Variants in MTR observed in about 807,000 individuals in gnomAD.
The protein encoded by MTR is methionine synthase.
A neutral mutation model predicts 154.8 loss-of-function variants in MTR; 84 were observed. The observed-to-expected ratio is 0.54, with a 90% CI of 0.45 to 0.65. MTR has a LOEUF of 0.65. Among genes scored for constraint, MTR ranks in the 30% least tolerant of loss-of-function variants. The pLI, the probability that MTR is intolerant of heterozygous loss-of-function variation, is 0.00. For synonymous variants in MTR, 554 were observed against 553.9 expected (o/e 1.00, Z 0.00); for missense variants, 1,275 against 1,570.2 (o/e 0.81, Z 3.18).
chr1:236,832,631 C>T (rs1186953345), intron 13 of MTR, among the ~76,000 whole-genome samples: 1 of 152,184 alleles, frequency 6.6e-6, no homozygotes, highest in Non-Finnish European at 1.5e-5. Context: ...ACAGAGCATA[C>T]CTAAGACTCC....
rs772925364 is a variant in MTR, at chr1:236,894,396, C to T, written c.3244C>T (p.Leu1082Phe). ...DSASTEPYYC[L>F]SDFIAPLHSG... ...TGCCAGCACGGAGCCATACTACTGC[C>T]TCTCAGACTTCATCGCTCCCTTGCA... The change falls in exon 30 of 33, where the codon CTC becomes TTC. Residue 1082 changes from leucine to phenylalanine, a missense_variant. Transcript: ENST00000366577. The T allele has an allele frequency of 6.2e-7, 1 of 1,614,248 alleles. No individual in the cohort carries two copies. The highest frequency in any genetic ancestry group is 1.1e-5 in the South Asian group (1 of 91,088).
intron 25 of MTR, among the ~76,000 whole-genome samples, chr1:236,883,804 CAT>C (rs1330338242): frequency 6.6e-6 from 1 of 152,178 alleles, no homozygotes; most frequent in Non-Finnish European, 1.5e-5. Flanking sequence ...AGAAAACCCA[CAT>C]AGAGTTATAG....
At chr1:236,871,528 C>G (rs998501690) in intron 22 of MTR, among the ~76,000 whole-genome samples, 2 of 150,600 alleles carry the variant, frequency 1.3e-5, no homozygotes, top group Non-Finnish European at 3.0e-5. Context: ...AAAAAAAAAT[C>G]AGCTTTGAAA....
chr1:236,813,077 A>G (rs1661393443), intron 6 of MTR, among the ~76,000 whole-genome samples: 1 of 152,252 alleles, frequency 6.6e-6, no homozygotes, highest in Non-Finnish European at 1.5e-5. Context: ...ATATTTTCAT[A>G]TATAGCTAGT....
chr1:236,795,512 A>G lies in MTR; in HGVS notation c.-192A>G, dbSNP rs1419439176. The G allele has an allele frequency of 6.6e-7, 1 of 1,524,668 alleles. No individual in the cohort carries two copies. The highest frequency in any genetic ancestry group is 2.0e-5 in the Admixed American group (1 of 50,606). The allele number at this position is 1,524,668 out of a possible 1,614,324, so 94.4% of individuals were successfully genotyped here. A position where few individuals can be genotyped will look rare whatever the true frequency, so the allele number is the denominator to read the frequency against. ...CAGTTGCCGCGCCCAGCCCCGAGAG[A>G]GGCCCTAGGGCGCTGCGGGCTTTCG... On this transcript the variant is annotated 5_prime_UTR_variant, in exon 1 of 33. Coordinates refer to ENST00000366577, the MANE Select transcript of MTR (RefSeq NM_000254.3).
rs1662319802 is a variant in MTR, at chr1:236,826,902, A to T, written c.995+6A>T. On this transcript the variant is annotated splice_donor_region_variant and intron_variant, in intron 11 of 32. Transcript: ENST00000366577. ...TCAACACCAGATCATATCAGGTAAT[A>T]ATCACCTATAGACAATATATCTAAA... The T allele has an allele frequency of 6.2e-7, 1 of 1,611,028 alleles. No homozygotes were observed.
intron 18 of MTR, among the ~76,000 whole-genome samples, chr1:236,855,476 G>C (rs948998943): frequency 6.6e-6 from 1 of 152,168 alleles, no homozygotes; most frequent in African/African-American, 2.4e-5. Context: ...CTATGGAGTG[G>C]AAGGATTGGT....
rs145289930 is a variant in MTR at position 236,818,806 on chromosome 1, A to G, written c.764+2263A>G. On this transcript the variant is annotated intron_variant, in intron 8 of 32. Coordinates refer to ENST00000366577, the MANE Select transcript of MTR (RefSeq NM_000254.3). The stretch of plus-strand genomic sequence containing the variant: ...CAAATATTTATTGAAATACTACTAT[A>G]TGTCCTGGAATACAGTCCAATCTGG... Among the ~76,000 whole-genome samples the G allele has an allele frequency of 8.3e-4, 127 of 152,364 alleles. 3 individuals are homozygous for G. In the East Asian group the frequency reaches 0.019, roughly 23 times the overall value.
chr1:236,836,326 A>G (rs185509549), intron 14 of MTR, among the ~76,000 whole-genome samples: 30 of 151,900 alleles, frequency 2.0e-4, no homozygotes, highest in African/African-American at 3.6e-4. Flanking sequence ...CAGTGGTGCA[A>G]TCATAGCTCA....
chr1:236,896,984 T>G, intron 31 of MTR, 22 bp from the exon 32 acceptor site: 1 of 1,567,254 alleles, frequency 6.4e-7, no homozygotes, highest in Non-Finnish European at 8.8e-7. Flanking sequence ...CATAAGCATT[T>G]TCCCTGTGTT....
At chr1:236,895,090 A>C in intron 30 of MTR, 1 of 488,958 alleles carries the variant, frequency 2.0e-6, no homozygotes, top group Non-Finnish European at 3.7e-6. Flanking sequence ...CCTTTAGGGA[A>C]ATCGTTAATT....
At chr1:236,827,228 A>G (rs1304201404) in intron 11 of MTR, among the ~76,000 whole-genome samples, 1 of 152,190 alleles carries the variant, frequency 6.6e-6, no homozygotes, top group Non-Finnish European at 1.5e-5. Context: ...CTTAAAAGAA[A>G]CTAACCCTGC....
At chr1:236,817,409 G>A (rs186917427) in intron 8 of MTR, among the ~76,000 whole-genome samples, 9 of 152,056 alleles carry the variant, frequency 5.9e-5, no homozygotes, top group South Asian at 2.1e-4. Flanking sequence ...TCTCACTAGC[G>A]CAGGTCGATG....
intron 4 of MTR, 53 bp downstream of exon 4, chr1:236,808,826 G>A: frequency 6.6e-7 from 1 of 1,512,250 alleles, no homozygotes; most frequent in South Asian, 1.1e-5. Context: ...GATACTGTCA[G>A]CTATAATGTG....
chr1:236,885,303 G>GT, intron 26 of MTR, 84 bp downstream of exon 26: 1 of 875,932 alleles, frequency 1.1e-6, no homozygotes, highest in Non-Finnish European at 1.9e-6. Context: ...TTTTAAAATG[G>GT]TTTTGAGGAG....
At position 236,874,786 on chromosome 1, in the gene MTR, A is replaced by G. The variant is rs1348066051; in HGVS notation, c.2534A>G (p.Lys845Arg). The change falls in exon 24 of 33, where the codon AAG (lysine) becomes AGG (arginine). Residue 845 changes from lysine (K) to arginine (R), a missense_variant. Lys to Arg is a conservative substitution (Grantham distance 26). Coordinates refer to ENST00000366577, the MANE Select transcript of MTR (RefSeq NM_000254.3). The part of the protein sequence containing the change: ...PSLDEMIFVA[K>R]EMERLAIRIP... The stretch of plus-strand genomic sequence containing the variant: ...CTGGATGAAATGATTTTTGTTGCCA[A>G]GGAAATGGAGAGATTAGCTATAAGG... 1 of 1,613,390 alleles carries G rather than the reference A, an allele frequency of 6.2e-7. No individual in the cohort carries two copies. The highest frequency in any genetic ancestry group is 8.5e-7 in the Non-Finnish European group (1 of 1,179,672).
intron 14 of MTR, 104 bp from the exon 15 acceptor site, chr1:236,838,310 T>A (rs1663024443): frequency 8.3e-7 from 1 of 1,211,978 alleles, no homozygotes; most frequent in South Asian, 1.3e-5. Flanking sequence ...ATTTTTTGTT[T>A]ATTGTTTTGC....
intron 25 of MTR, among the ~76,000 whole-genome samples, chr1:236,881,127 C>G (rs1438979768): frequency 6.6e-6 from 1 of 152,168 alleles, no homozygotes. Flanking sequence ...TTCACCCACT[C>G]ACAAACATGA....
chr1:236,831,817 AT>A lies in MTR; in HGVS notation c.1076-148del. 5.9e-6 allele frequency: 4 copies of A among 672,290 alleles called. No homozygotes were observed. In the East Asian group the frequency reaches 1.1e-4, roughly 19 times the overall value. 41.6% of individuals were successfully genotyped at this position (672,290 alleles called of 1,614,324 possible). Reference sequence around the variant, plus strand: ...CATTTGAATCTCCCTAGAGACGACTATGGCCCTGTTTCCACATTGGATCTCC... The same window carrying A: ...CATTTGAATCTCCCTAGAGACGACTAGGCCCTGTTTCCACATTGGATCTCC... On this transcript the variant is annotated intron_variant, in intron 12 of 32. Transcript: ENST00000366577.
Sources: gnomAD v4.1 joint callset for allele counts (sites outside exome capture counted in the v4.1 genomes callset) on GRCh38, gnomAD v4.1.1 for gene constraint, MANE v1.5 for transcripts, NCBI Gene and HGNC (gene_info 2026-07-23, HGNC 2026-07-21) for gene names.